The following UNC5C variants were observed in gnomAD, a reference collection of about 807,000 sequenced individuals.
UNC5C encodes netrin receptor UNC5C.
Under a neutral mutation model 99.8 loss-of-function variants are expected in UNC5C, and 47 were observed. The ratio of observed to expected loss-of-function variants is 0.47; its 90% CI spans 0.37 to 0.60. UNC5C has a LOEUF of 0.60. Among genes scored for constraint, UNC5C ranks in the 20% least tolerant of loss-of-function variants. UNC5C has a pLI of 0.00. For missense variants in UNC5C, 1,062 were observed against 1,165.9 expected (o/e 0.91, Z 1.30); for synonymous variants, 487 against 452.2 (o/e 1.08, Z -0.98).
At chr4:95,402,070 G>GT (rs1745717850) in intron 1 of UNC5C, among the ~76,000 whole-genome samples, 1 of 152,120 alleles carries the variant, frequency 6.6e-6, no homozygotes, top group African/African-American at 2.4e-5. Flanking sequence ...TCTAAAAGCT[G>GT]TTTCTAAAGA....
rs575929996 is a variant in UNC5C at position 95,288,208 on chromosome 4, G to A, written c.491-9846C>T. On this transcript the variant is annotated intron_variant, in intron 3 of 15. Transcript: ENST00000453304. ...CACCATTCTCCTGCCTCAGCCTCCC[G>A]AGTAGCTGGGACTACAGGCACCCGC... Among the ~76,000 whole-genome samples, 1,067 of 151,754 alleles carry A rather than the reference G, an allele frequency of 7.0e-3. 2 individuals carry two copies. Among genetic ancestry groups the A allele is most frequent in the South Asian group, 0.018 (85 of 4,792 alleles).
intron 1 of UNC5C, among the ~76,000 whole-genome samples, chr4:95,539,907 A>G (rs1477474236): frequency 6.7e-6 from 1 of 149,704 alleles, no homozygotes; most frequent in Non-Finnish European, 1.5e-5. Context: ...GCCAAAACTT[A>G]TCCTAGCCAT....
intron 2 of UNC5C, among the ~76,000 whole-genome samples, chr4:95,328,127 C>T (rs1449270035): frequency 9.6e-6 from 1 of 103,820 alleles, no homozygotes; most frequent in Non-Finnish European, 1.9e-5. Context: ...AGGTTAGTTA[C>T]ATATGTATAC....
At chr4:95,280,127 TG>T (rs1741000953) in intron 3 of UNC5C, among the ~76,000 whole-genome samples, 1 of 152,108 alleles carries the variant, frequency 6.6e-6, no homozygotes, top group South Asian at 2.1e-4. Flanking sequence ...GCCCAGGGGT[TG>T]TGACCCCTGC....
At position 95,315,231 on chromosome 4, in the gene UNC5C, C is replaced by T. The variant is rs1202174826; in HGVS notation, c.347-13482G>A. 6.6e-5 allele frequency among the ~76,000 whole-genome samples: 10 copies of T among 152,034 alleles called. 1 individual carries two copies. The South Asian group carries it at 1.7e-3, about 25-fold the overall frequency. ...TTTAAGTCTGTGTTATGGTAAGCTG[C>T]TGTAACATTTAGACACCCCCTACTC... On this transcript the variant is annotated intron_variant, in intron 2 of 15. Coordinates refer to ENST00000453304, the MANE Select transcript of UNC5C (RefSeq NM_003728.4).
At position 95,512,591 on chromosome 4, in the gene UNC5C, A is replaced by G. The variant is rs577106324; in HGVS notation, c.124+36143T>C. Among the ~76,000 whole-genome samples, 28 of 152,306 alleles carry G rather than the reference A, an allele frequency of 1.8e-4. No homozygotes were observed. In the South Asian group the frequency reaches 5.8e-3, roughly 32 times the overall value. ...GGAGGAGAGTTTCATATGAATAACT[A>G]AATGACTTAAGTGCATTTAAATTGA... On this transcript the variant is annotated intron_variant, in intron 1 of 15. Transcript: ENST00000453304.
chr4:95,469,873 T>C (rs1451180335), intron 1 of UNC5C, among the ~76,000 whole-genome samples: 1 of 152,180 alleles, frequency 6.6e-6, no homozygotes, highest in African/African-American at 2.4e-5. Context: ...AAATTGCTCA[T>C]GCAGATATAA....
chr4:95,460,932 A>G (rs1222685267), intron 1 of UNC5C, among the ~76,000 whole-genome samples: 5 of 152,216 alleles, frequency 3.3e-5, no homozygotes, highest in African/African-American at 9.6e-5. Context: ...ACTGCCACAT[A>G]GGTATATGAA....
chr4:95,354,473 A>T (rs1360916455), intron 1 of UNC5C, among the ~76,000 whole-genome samples: 110 of 89,886 alleles, frequency 1.2e-3, no homozygotes, highest in African/African-American at 4.5e-3. Flanking sequence ...TCTTCCATAT[A>T]TATATATTTT....
At chr4:95,508,610 C>T (rs974424420) in intron 1 of UNC5C, among the ~76,000 whole-genome samples, 1 of 151,748 alleles carries the variant, frequency 6.6e-6, no homozygotes, top group African/African-American at 2.4e-5. Context: ...GATGTGTTTT[C>T]GTTTCTCTCC....
chr4:95,244,179 C>G (rs1382665384), intron 6 of UNC5C, among the ~76,000 whole-genome samples: 1 of 152,182 alleles, frequency 6.6e-6, no homozygotes, highest in African/African-American at 2.4e-5. Context: ...ATTGAAAACA[C>G]AATAGCTACT....
At chr4:95,365,093 G>A (rs923880570) in intron 1 of UNC5C, among the ~76,000 whole-genome samples, 1 of 151,056 alleles carries the variant, frequency 6.6e-6, no homozygotes, top group Non-Finnish European at 1.5e-5. Context: ...TCAAGAGTTC[G>A]AGACTACCCT....
intron 1 of UNC5C, among the ~76,000 whole-genome samples, chr4:95,469,593 C>T (rs944368294): frequency 1.3e-5 from 2 of 152,000 alleles, no homozygotes; most frequent in Admixed American, 6.6e-5. Flanking sequence ...TTTTTACAAT[C>T]GTCCTTAAAC....
intron 5 of UNC5C, among the ~76,000 whole-genome samples, chr4:95,246,458 G>A (rs559071167): frequency 2.0e-5 from 3 of 152,048 alleles, no homozygotes; most frequent in Non-Finnish European, 4.4e-5. Context: ...TTACTCAGGA[G>A]GCTGGGGCAG....
At position 95,459,777 on chromosome 4, in the gene UNC5C, A is replaced by G. The variant is rs77767747; in HGVS notation, c.124+88957T>C. Among the ~76,000 whole-genome samples the G allele has an allele frequency of 2.3e-3, 347 of 152,316 alleles. 1 individual carries two copies. The highest frequency in any genetic ancestry group is 7.9e-3 in the African/African-American group (327 of 41,586). On this transcript the variant is annotated intron_variant, in intron 1 of 15. Transcript: ENST00000453304. ...CCACATGATCCCAGAATGGCCTAAA[A>G]GAATTTCCCTAAAAGGCTCTCATTA...
chr4:95,439,811 C>T (rs1362365618), intron 1 of UNC5C, among the ~76,000 whole-genome samples: 7 of 151,980 alleles, frequency 4.6e-5, no homozygotes, highest in Admixed American at 1.3e-4. Flanking sequence ...TATGTCAGGG[C>T]GTGTATTGAC....
chr4:95,512,009 C>A (rs141942498), intron 1 of UNC5C, among the ~76,000 whole-genome samples: 48 of 152,156 alleles, frequency 3.2e-4, no homozygotes, highest in Non-Finnish European at 5.7e-4. Flanking sequence ...AGTAGCATAT[C>A]AGACACTGGG....
chr4:95,277,829 A>C (rs1338960335), intron 4 of UNC5C, among the ~76,000 whole-genome samples: 1 of 152,214 alleles, frequency 6.6e-6, no homozygotes, highest in African/African-American at 2.4e-5. Context: ...CTATGACTTC[A>C]TCATGGAATG....
At chr4:95,238,142 G>T (rs1401590181) in intron 7 of UNC5C, among the ~76,000 whole-genome samples, 1 of 152,114 alleles carries the variant, frequency 6.6e-6, no homozygotes, top group Non-Finnish European at 1.5e-5. Flanking sequence ...TTAAGTATGT[G>T]ACTCATAAAC....
Sources: allele counts gnomAD v4.1 joint callset (sites outside exome capture counted in the v4.1 genomes callset), GRCh38; gene constraint gnomAD v4.1.1; transcripts MANE v1.5; gene names NCBI Gene and HGNC (gene_info 2026-07-23, HGNC 2026-07-21).